Variants in GHR observed in about 807,000 individuals in gnomAD.
GHR encodes the protein GH receptor.
GHR carries 35 observed loss-of-function variants against 67.1 expected under a neutral mutation model. The observed-to-expected ratio is 0.52, with a 90% confidence interval of 0.40 to 0.69. The LOEUF is 0.69. Among genes scored for constraint, GHR ranks in the 30% least tolerant of loss-of-function variants. The pLI is 0.00. For missense variants in GHR, 792 were observed against 764.6 expected, an observed-to-expected ratio of 1.04 and a Z score of -0.42; for synonymous variants, 272 against 269.1, an observed-to-expected ratio of 1.01 and a Z score of -0.10.
chr5:42,663,452 A>G (rs1755768869), intron 3 of GHR, among the ~76,000 whole-genome samples: 1 of 152,244 alleles, frequency 6.6e-6, no homozygotes, highest in Non-Finnish European at 1.5e-5. Context: ...TTGCAAATCA[A>G]TAAATGTAAT....
chr5:42,468,822 G>C, intron 1 of GHR: 1 of 1,017,674 alleles, frequency 9.8e-7, no homozygotes, highest in Non-Finnish European at 1.5e-6. Flanking sequence ...GGTCGAATCG[G>C]TTGGTGACCA....
intron 1 of GHR, among the ~76,000 whole-genome samples, chr5:42,551,337 T>C (rs1346794573): frequency 6.6e-6 from 1 of 152,088 alleles, no homozygotes; most frequent in Admixed American, 6.5e-5. Flanking sequence ...AACAGCTAAG[T>C]TGCGGTGGGG....
rs70991425 is a variant in GHR, at chr5:42,681,265, GA to G, written c.137-7613del. On this transcript the variant is annotated intron_variant, in intron 3 of 9. Coordinates refer to ENST00000230882, the MANE Select transcript of GHR (RefSeq NM_000163.5). ...ACAAAGAACTTCAATAAATTTACAA[GA>G]AAAAAAAAAAACCATCAAAAAGTGG... Among the ~76,000 whole-genome samples the G allele has an allele frequency of 3.0e-3, 437 of 144,874 alleles. 2 individuals carry two copies. Among genetic ancestry groups the G allele is most frequent in the African/African-American group, 9.9e-3 (391 of 39,422 alleles).
intron 2 of GHR, among the ~76,000 whole-genome samples, chr5:42,577,430 A>T (rs528442768): frequency 2.3e-4 from 35 of 152,274 alleles, no homozygotes; most frequent in East Asian, 3.9e-4. Context: ...ATTTTTTTTT[A>T]AAATAACTGA....
chr5:42,610,389 G>A (rs1414558458), intron 2 of GHR, among the ~76,000 whole-genome samples: 1 of 152,188 alleles, frequency 6.6e-6, no homozygotes, highest in African/African-American at 2.4e-5. Flanking sequence ...CTAAGTGACT[G>A]CTAAGCTCAT....
intron 1 of GHR, among the ~76,000 whole-genome samples, chr5:42,486,444 G>C (rs921838528): frequency 2.0e-5 from 3 of 152,162 alleles, no homozygotes; most frequent in Non-Finnish European, 2.9e-5. Context: ...TCTAATGATT[G>C]TAAGCAAAAT....
chr5:42,663,882 A>G (rs1163349945), intron 3 of GHR, among the ~76,000 whole-genome samples: 4 of 152,144 alleles, frequency 2.6e-5, no homozygotes, highest in South Asian at 2.1e-4. Context: ...AAGCTGATAA[A>G]CAACTTCAGC....
At chr5:42,486,441 A>T (rs1038877498) in intron 1 of GHR, among the ~76,000 whole-genome samples, 1 of 152,222 alleles carries the variant, frequency 6.6e-6, no homozygotes, top group African/African-American at 2.4e-5. Flanking sequence ...ACATCTAATG[A>T]TTGTAAGCAA....
chr5:42,691,935 C>A (rs148710706), intron 4 of GHR, among the ~76,000 whole-genome samples: 224 of 152,354 alleles, frequency 1.5e-3, no homozygotes, highest in African/African-American at 5.2e-3. Flanking sequence ...CATGTTCGAG[C>A]TGCTCTGCTC....
At chr5:42,537,812 T>A (rs1748327151) in intron 1 of GHR, among the ~76,000 whole-genome samples, 1 of 152,182 alleles carries the variant, frequency 6.6e-6, no homozygotes, top group African/African-American at 2.4e-5. Flanking sequence ...GGTCTATTAG[T>A]AATTGTTTTA....
At chr5:42,433,921 C>T (rs984343962) in intron 1 of GHR, among the ~76,000 whole-genome samples, 17 of 151,886 alleles carry the variant, frequency 1.1e-4, no homozygotes, top group East Asian at 7.8e-4. Flanking sequence ...TTATTATGGT[C>T]GCTGCATATA....
chr5:42,558,414 A>G (rs552617212), intron 1 of GHR, among the ~76,000 whole-genome samples: 12 of 152,368 alleles, frequency 7.9e-5, no homozygotes, highest in Non-Finnish European at 1.6e-4. Flanking sequence ...GCAGACATAT[A>G]AACCATAAAA....
At chr5:42,498,801 G>A (rs184185832) in intron 1 of GHR, among the ~76,000 whole-genome samples, 1 of 152,198 alleles carries the variant, frequency 6.6e-6, no homozygotes, top group Admixed American at 6.5e-5. Context: ...TGTTAAGCTG[G>A]GCACCTTGCC....
intron 6 of GHR, among the ~76,000 whole-genome samples, chr5:42,702,943 T>C (rs1758000210): frequency 6.6e-6 from 1 of 152,056 alleles, no homozygotes; most frequent in South Asian, 2.1e-4. Context: ...TTTAGTTCCT[T>C]ATATATTTCA....
rs75980553 is a variant in GHR, at chr5:42,620,111, G to A, written c.71-8927G>A. Among the ~76,000 whole-genome samples, 10 of 152,206 alleles carry A rather than the reference G, an allele frequency of 6.6e-5. No individual in the cohort carries two copies. In the East Asian group the frequency reaches 1.9e-3, roughly 29 times the overall value. ...ATCAAACACTAGCAAGGGACTAGAT[G>A]TCATAAATCTAGTTAAAATATGTTG... On this transcript the variant is annotated intron_variant, in intron 2 of 9. Transcript: ENST00000230882.
chr5:42,687,981 GA>G (rs1757240127), intron 3 of GHR, among the ~76,000 whole-genome samples: 1 of 152,224 alleles, frequency 6.6e-6, no homozygotes, highest in African/African-American at 2.4e-5. Context: ...CATAGATGCA[GA>G]GGAATTTTGG....
At chr5:42,509,900 A>G (rs553995903) in intron 1 of GHR, among the ~76,000 whole-genome samples, 4 of 152,336 alleles carry the variant, frequency 2.6e-5, no homozygotes, top group Admixed American at 1.3e-4. Context: ...GCATTTGAAT[A>G]CATTTGCTCT....
intron 3 of GHR, among the ~76,000 whole-genome samples, chr5:42,643,138 T>C (rs1754562666): frequency 6.6e-6 from 1 of 152,098 alleles, no homozygotes; most frequent in Admixed American, 6.6e-5. Flanking sequence ...ACATATGCAT[T>C]GAAGGGAAAA....
intron 4 of GHR, among the ~76,000 whole-genome samples, chr5:42,694,303 T>C (rs1313763011): frequency 6.6e-6 from 1 of 152,200 alleles, no homozygotes; most frequent in Non-Finnish European, 1.5e-5. Context: ...CCAATTCTCA[T>C]TAAATGTCAA....
Sources: gnomAD v4.1 joint callset for allele counts (sites outside exome capture counted in the v4.1 genomes callset) on GRCh38, gnomAD v4.1.1 for gene constraint, MANE v1.5 for transcripts, NCBI Gene and HGNC (gene_info 2026-07-23, HGNC 2026-07-21) for gene names.